The following UGT1A8 variants were observed in gnomAD, a reference collection of about 807,000 sequenced individuals.
The protein encoded by UGT1A8 is UDP glucuronosyltransferase family 1 member A8.
A neutral mutation model predicts 45.3 loss-of-function variants in UGT1A8; 39 were observed. The observed-to-expected ratio is 0.86, with a 90% CI of 0.67 to 1.12. The LOEUF is 1.12. Ranked by LOEUF, UGT1A8 falls within the 50% of genes most tolerant of loss-of-function variation. The pLI, the probability that UGT1A8 is intolerant of heterozygous loss-of-function variation, is 0.00. For missense variants in UGT1A8, 719 were observed against 664.9 expected, an observed-to-expected ratio of 1.08 and a Z score of -0.90; for synonymous variants, 275 against 249.2, an observed-to-expected ratio of 1.10 and a Z score of -0.97.
intron 1 of UGT1A8, among the ~76,000 whole-genome samples, chr2:233,667,798 C>T (rs2074108403): frequency 6.6e-6 from 1 of 152,158 alleles, no homozygotes; most frequent in Non-Finnish European, 1.5e-5. Flanking sequence ...TCATCACTGG[C>T]CATCTGAGAA....
At position 233,732,958 on chromosome 2, in the gene UGT1A8, C is replaced by T. The variant is rs75520741; in HGVS notation, c.856-34076C>T. Among the ~76,000 whole-genome samples, 102 of 152,154 alleles carry T rather than the reference C, an allele frequency of 6.7e-4. 1 individual carries two copies. Among genetic ancestry groups the T allele is most frequent in the Non-Finnish European group, 1.2e-3 (82 of 67,996 alleles). ...TATCCATGAGCATGGAATGTTCTTC[C>T]ATTTGTTTGTGTCTTCTTTTATTTC... On this transcript the variant is annotated intron_variant, in intron 1 of 4. Coordinates refer to ENST00000373450, the MANE Select transcript of UGT1A8 (RefSeq NM_019076.5).
intron 1 of UGT1A8, among the ~76,000 whole-genome samples, chr2:233,736,694 G>T (rs2078793950): frequency 6.6e-6 from 1 of 152,122 alleles, no homozygotes; most frequent in South Asian, 2.1e-4. Context: ...CCTACAGATG[G>T]GGTTTTGGTG....
intron 1 of UGT1A8, among the ~76,000 whole-genome samples, chr2:233,725,404 A>G (rs1338986441): frequency 1.3e-5 from 2 of 151,736 alleles, no homozygotes; most frequent in African/African-American, 4.9e-5. Flanking sequence ...TTGATGGTCT[A>G]ATACAGAATT....
At chr2:233,761,218 C>G in intron 1 of UGT1A8, 1 of 1,613,694 alleles carries the variant, frequency 6.2e-7, no homozygotes, top group Non-Finnish European at 8.5e-7. Context: ...GATCGATTAA[C>G]TAGCCCCAGA....
At chr2:233,636,659 A>T in intron 1 of UGT1A8, 1 of 1,614,094 alleles carries the variant, frequency 6.2e-7, no homozygotes, top group South Asian at 1.1e-5. Context: ...TCGGTGGTGG[A>T]GAAACTTATC....
At chr2:233,634,497 C>T (rs1231520477) in intron 1 of UGT1A8, among the ~76,000 whole-genome samples, 7 of 152,030 alleles carry the variant, frequency 4.6e-5, no homozygotes, top group African/African-American at 1.4e-4. Flanking sequence ...CTGTATTGGG[C>T]GCATATATAT....
chr2:233,739,980 C>T (rs1169628941), intron 1 of UGT1A8, among the ~76,000 whole-genome samples: 1 of 151,792 alleles, frequency 6.6e-6, no homozygotes, highest in Non-Finnish European at 1.5e-5. Flanking sequence ...GGCAGTTTTC[C>T]CCATGCTGTT....
chr2:233,679,545 C>CT (rs113272257), intron 1 of UGT1A8, among the ~76,000 whole-genome samples: 3 of 151,300 alleles, frequency 2.0e-5, no homozygotes, highest in African/African-American at 4.9e-5. Context: ...TTTGTGTCAT[C>CT]TTTTTTTTTG....
intron 1 of UGT1A8, chr2:233,713,390 T>C (rs1223682421): frequency 6.2e-7 from 1 of 1,614,192 alleles, no homozygotes; most frequent in Admixed American, 1.7e-5. Context: ...AGCTACTGCA[T>C]AATGAGGCCC....
Position 233,767,941 on chromosome 2 carries a change from G to A in UGT1A8, c.1075+5G>A. The A allele has an allele frequency of 1.2e-6, 2 of 1,614,200 alleles. No homozygotes were observed. Among genetic ancestry groups the A allele is most frequent in the South Asian group, 1.1e-5 (1 of 91,084 alleles). On this transcript the variant is annotated splice_donor_5th_base_variant and intron_variant, in intron 3 of 4. Coordinates refer to ENST00000373450, the MANE Select transcript of UGT1A8 (RefSeq NM_019076.5). ...TACCCCAAAACGATCTGCTTGGTAT[G>A]TTGGGCGGATTGGATGTATAGGTCA...
intron 1 of UGT1A8, among the ~76,000 whole-genome samples, chr2:233,654,072 A>G (rs534714034): frequency 2.6e-5 from 4 of 152,368 alleles, no homozygotes; most frequent in Non-Finnish European, 4.4e-5. Context: ...CCATAAGTCT[A>G]TACACAGTCT....
chr2:233,765,344 A>G (rs1008293425), intron 1 of UGT1A8, among the ~76,000 whole-genome samples: 8 of 152,240 alleles, frequency 5.3e-5, no homozygotes, highest in Non-Finnish European at 1.0e-4. Flanking sequence ...TAACAAAGTC[A>G]TGGAACCAAC....
At chr2:233,744,245 C>T (rs1692747856) in intron 1 of UGT1A8, among the ~76,000 whole-genome samples, 1 of 151,742 alleles carries the variant, frequency 6.6e-6, no homozygotes, top group Non-Finnish European at 1.5e-5. Flanking sequence ...ACTTTGGCTG[C>T]CTGAAGAACT....
At chr2:233,741,636 G>A (rs776299256) in intron 1 of UGT1A8, 1 of 151,906 alleles carries the variant, frequency 6.6e-6, no homozygotes, top group Non-Finnish European at 1.5e-5. Flanking sequence ...GCCCCTGTGG[G>A]ATGGTGCCAG....
intron 1 of UGT1A8, among the ~76,000 whole-genome samples, chr2:233,668,198 C>G (rs867701374): frequency 6.6e-6 from 1 of 152,076 alleles, no homozygotes; most frequent in Admixed American, 6.6e-5. Flanking sequence ...AATGCTATCC[C>G]TCCCCCATAC....
At chr2:233,620,676 A>T (rs1389328460) in intron 1 of UGT1A8, among the ~76,000 whole-genome samples, 1 of 152,184 alleles carries the variant, frequency 6.6e-6, no homozygotes, top group Non-Finnish European at 1.5e-5. Flanking sequence ...GTATATATTT[A>T]TGATTATATG....
chr2:233,639,034 C>T (rs1435132253), intron 1 of UGT1A8, among the ~76,000 whole-genome samples: 1 of 152,206 alleles, frequency 6.6e-6, no homozygotes, highest in East Asian at 1.9e-4. Context: ...TGAGGATCTG[C>T]CACTTCCTGA....
At chr2:233,742,476 C>T (rs1691992737) in intron 1 of UGT1A8, among the ~76,000 whole-genome samples, 1 of 151,926 alleles carries the variant, frequency 6.6e-6, no homozygotes, top group Non-Finnish European at 1.5e-5. Flanking sequence ...AGTAAACTCA[C>T]AACCTTCAGC....
chr2:233,649,286 A>G (rs1333492953), intron 1 of UGT1A8, among the ~76,000 whole-genome samples: 2 of 152,212 alleles, frequency 1.3e-5, no homozygotes, highest in African/African-American at 2.4e-5. Context: ...GAGTATTGCT[A>G]TGGTGCCCTG....
Sources: gnomAD v4.1 joint callset for allele counts (sites outside exome capture counted in the v4.1 genomes callset) on GRCh38, gnomAD v4.1.1 for gene constraint, MANE v1.5 for transcripts, NCBI Gene and HGNC (gene_info 2026-07-23, HGNC 2026-07-21) for gene names.